The following TADA3 variants were observed in gnomAD, a reference collection of about 807,000 sequenced individuals.
The protein encoded by TADA3 is transcriptional adapter 3.
TADA3 carries 25 observed loss-of-function variants against 43.2 expected under a neutral mutation model. The observed-to-expected ratio is 0.58, with a 90% CI of 0.42 to 0.81. TADA3 has a LOEUF of 0.81. Among genes scored for constraint, TADA3 ranks in the 30% least tolerant of loss-of-function variants. The pLI, the probability that TADA3 is intolerant of heterozygous loss-of-function variation, is 0.00. For missense variants in TADA3, 441 were observed against 567.8 expected, an observed-to-expected ratio of 0.78 and a Z score of 2.27; for synonymous variants, 235 against 225.5, an observed-to-expected ratio of 1.04 and a Z score of -0.38.
intron 8 of TADA3, chr3:9,783,179 G>A (rs1455284986): frequency 2.0e-5 from 3 of 152,154 alleles, no homozygotes; most frequent in African/African-American, 7.2e-5. Context: ...GATTTTCTGT[G>A]TGTATCAAAT....
Position 9,791,367 on chromosome 3 carries a change from C to T in TADA3, c.100G>A (p.Glu34Lys). The T allele has an allele frequency of 6.2e-7, 1 of 1,614,252 alleles. No homozygotes were observed. ...TCCTCGATGCCGATGCCATCATCCTCAGAGCGTGCCAGCACTGCCGTGTAG... is the reference window on the plus strand; with the variant it reads ...TCCTCGATGCCGATGCCATCATCCTTAGAGCGTGCCAGCACTGCCGTGTAG... ...PRYTAVLARS[E>K]DDGIGIEELD... The change falls in exon 2 of 9, where the codon GAG becomes AAG. Residue 34 changes from glutamate to lysine, a missense_variant. Coordinates refer to ENST00000301964, the MANE Select transcript of TADA3 (RefSeq NM_006354.5).
chr3:9,784,195 G>A lies in TADA3; in HGVS notation c.939C>T (p.Ser313=), dbSNP rs1206240815. ...GCTCCTCCTTGATGCGGCTCTCCAG[G>A]GACTTAGTATGCGGCACACTGCAGC... ...NKPFSVPHTK[S]LESRIKEELI... is the part of the protein sequence containing the mutation. Residue 313 remains serine, a synonymous_variant, in exon 8 of 9, where the codon TCC becomes TCT. Coordinates refer to ENST00000301964, the MANE Select transcript of TADA3 (RefSeq NM_006354.5). The A allele has an allele frequency of 2.5e-6, 4 of 1,613,546 alleles. No individual in the cohort carries two copies. The South Asian group carries it at 3.3e-5, about 13-fold the overall frequency.
chr3:9,781,375 C>T (rs1407640840), intron 8 of TADA3: 3 of 395,808 alleles, frequency 7.6e-6, no homozygotes, highest in Non-Finnish European at 1.6e-5. Flanking sequence ...AACAACCCTG[C>T]AAAATATGTA....
chr3:9,792,023 G>A (rs558923664), intron 1 of TADA3, among the ~76,000 whole-genome samples, 193 bp downstream of exon 1: 3 of 152,250 alleles, frequency 2.0e-5, no homozygotes, highest in South Asian at 2.1e-4. Flanking sequence ...GGTTTAGAAC[G>A]TGGGCTGGTA....
chr3:9,788,840 T>TC lies in TADA3; in HGVS notation c.564+668_564+669insG, dbSNP rs1478661321. ...CAGGCGTGAGGTGACTTTTATATCT[T>TC]TTTTTTTTTTTTGGAGACGGAGTCT... On this transcript the variant is annotated intron_variant, in intron 4 of 8. Transcript: ENST00000301964. 1.2e-4 allele frequency among the ~76,000 whole-genome samples: 17 copies of TC among 144,216 alleles called. No individual in the cohort carries two copies. The East Asian group carries it at 3.2e-3, about 27-fold the overall frequency. The allele number at this position is 144,216 out of a possible 152,430, so 94.6% of individuals were successfully genotyped here. A position where few individuals can be genotyped will look rare whatever the true frequency, so the allele number is the denominator to read the frequency against.
At chr3:9,790,282 C>T (rs2078701197) in intron 2 of TADA3, among the ~76,000 whole-genome samples, 1 of 152,258 alleles carries the variant, frequency 6.6e-6, no homozygotes, top group Non-Finnish European at 1.5e-5. Context: ...GATGTCACCA[C>T]TACTGAGATG....
At chr3:9,786,950 A>G (rs1178169102) in intron 6 of TADA3, 56 bp downstream of exon 6, 1 of 1,475,874 alleles carries the variant, frequency 6.8e-7, no homozygotes, top group Non-Finnish European at 9.4e-7. Context: ...AAAAATAAGC[A>G]TAACACATTA....
In TADA3 at chr3:9,791,482, G is replaced by T; in HGVS notation, c.-16C>A. The T allele has an allele frequency of 6.3e-7, 1 of 1,588,034 alleles. No individual in the cohort carries two copies. Among genetic ancestry groups the T allele is most frequent in the Non-Finnish European group, 8.6e-7 (1 of 1,161,556 alleles). On this transcript the variant is annotated 5_prime_UTR_variant, in exon 2 of 9. Transcript: ENST00000301964. ...ACTCACTCATGGCCCAGGATATGGG[G>T]ATCCTGTGGAGCTGGAGAGGACAGG...
chr3:9,787,662 C>T (rs935858427), intron 4 of TADA3: 25 of 1,377,792 alleles, frequency 1.8e-5, no homozygotes, highest in Admixed American at 8.7e-5. Context: ...CTTCAGGTCA[C>T]GGGTGACAGG....
chr3:9,790,863 C>T (rs763942816), intron 2 of TADA3, among the ~76,000 whole-genome samples: 4 of 152,200 alleles, frequency 2.6e-5, no homozygotes, highest in Non-Finnish European at 5.9e-5. Context: ...TGCCAGGATT[C>T]AAATCCAGGT....
At chr3:9,790,786 C>T (rs1212612369) in intron 2 of TADA3, among the ~76,000 whole-genome samples, 4 of 152,194 alleles carry the variant, frequency 2.6e-5, no homozygotes, top group Non-Finnish European at 5.9e-5. Flanking sequence ...GAAACTGACA[C>T]TCAGAGATAT....
At position 9,785,340 on chromosome 3, in the gene TADA3, G is replaced by C; in HGVS notation, c.896C>G (p.Pro299Arg). The C allele has an allele frequency of 6.2e-7, 1 of 1,614,006 alleles. No individual in the cohort carries two copies. Among genetic ancestry groups the C allele is most frequent in the East Asian group, 2.2e-5 (1 of 44,888 alleles). Reference sequence around the variant, plus strand: ...CCTGAAGGGCTTGTTCTGATTGCGAGGGGAGGTGCTTGCCCCGTCAGCCCC... The same window carrying C: ...CCTGAAGGGCTTGTTCTGATTGCGACGGGAGGTGCTTGCCCCGTCAGCCCC... ...ESGADGASTS[P>R]RNQNKPFSVP... Residue 299 changes from proline to arginine, a missense_variant, in exon 7 of 9, where the codon CCT becomes CGT. Pro to Arg is a moderately radical substitution (Grantham distance 103, BLOSUM62 -2). Coordinates refer to ENST00000301964, the MANE Select transcript of TADA3 (RefSeq NM_006354.5).
upstream of TADA3, chr3:9,792,903 G>T: frequency 7.1e-7 from 1 of 1,398,724 alleles, no homozygotes; most frequent in Non-Finnish European, 9.2e-7. Context: ...AGCTTAAATA[G>T]TGACTCGAGT....
chr3:9,785,316 C>G lies in TADA3; in HGVS notation c.920G>C (p.Ser307Thr), dbSNP rs770252132. 4 of 1,612,584 alleles carry G rather than the reference C, an allele frequency of 2.5e-6. No individual in the cohort carries two copies. The highest frequency in any genetic ancestry group is 3.3e-5 in the Admixed American group (2 of 59,964). The change falls in exon 7 of 9, where the codon AGT (serine) becomes ACT (threonine). Residue 307 changes from serine (S) to threonine (T), a missense_variant and splice_region_variant. Transcript: ENST00000301964. ...TSPRNQNKPF[S>T]VPHTKSLESR... ...GGGTTGTGGATAGGACACCACTCACCTGAAGGGCTTGTTCTGATTGCGAGG... is the reference window on the plus strand; with the variant it reads ...GGGTTGTGGATAGGACACCACTCACGTGAAGGGCTTGTTCTGATTGCGAGG...
chr3:9,786,960 A>G, intron 6 of TADA3, 46 bp downstream of exon 6: 2 of 1,534,234 alleles, frequency 1.3e-6, no homozygotes, highest in South Asian at 2.3e-5. Flanking sequence ...ATAACACATT[A>G]AAACACAAAG....
rs779044239 is a variant in TADA3, at chr3:9,780,429, G to A, written c.1227C>T (p.Thr409=). The change falls in exon 9 of 9, where the codon ACC becomes ACT. Residue 409 remains threonine, a synonymous_variant. Transcript: ENST00000301964. ...MAARQKKRTP[T]KKEKDQAWKT... is the part of the protein sequence containing the mutation. ...TCCAGGCCTGGTCCTTTTCTTTCTT[G>A]GTGGGAGTCCGCTTCTTCTGCCGGG... 51 of 1,613,180 alleles carry A rather than the reference G, an allele frequency of 3.2e-5. No homozygotes were observed. Among genetic ancestry groups the A allele is most frequent in the Non-Finnish European group, 4.2e-5 (50 of 1,180,042 alleles).
In TADA3 at chr3:9,780,694, A is replaced by T. The variant is rs75190597; in HGVS notation, c.1107-145T>A. On this transcript the variant is annotated intron_variant, in intron 8 of 8. Coordinates refer to ENST00000301964, the MANE Select transcript of TADA3 (RefSeq NM_006354.5). ...AGTCGTGACCAAAAAGCAGTTACTG[A>T]CCTACACTTACATGGCACTATCTTA... 4,349 of 708,252 alleles carry T rather than the reference A, an allele frequency of 6.1e-3. 120 individuals are homozygous for T. In the African/African-American group the frequency reaches 0.068, roughly 11 times the overall value. 43.9% of individuals were successfully genotyped at this position (708,252 alleles called of 1,614,324 possible).
In TADA3 at chr3:9,789,521, A is replaced by C. The variant is rs761183312; in HGVS notation, c.552T>G (p.Ala184=). The change falls in exon 4 of 9, where the codon GCT becomes GCG. Residue 184 remains alanine (A), a synonymous_variant. Transcript: ENST00000301964. ...CCAGAGTTTCTACCTTGTAATGCTCAGCCTCATCTTCTGGGGGCTTCAGTA... is the reference window on the plus strand; with the variant it reads ...CCAGAGTTTCTACCTTGTAATGCTCCGCCTCATCTTCTGGGGGCTTCAGTA... ...EELLKPPEDE[A]EHYKIPPLGK... 1.9e-6 allele frequency: 3 copies of C among 1,614,016 alleles called. No individual in the cohort carries two copies. The highest frequency in any genetic ancestry group is 1.3e-5 in the African/African-American group (1 of 74,940).
chr3:9,781,411 G>GA, intron 8 of TADA3: 1 of 430,282 alleles, frequency 2.3e-6, no homozygotes, highest in Non-Finnish European at 4.8e-6. Context: ...TACCCGTGAG[G>GA]AAAATGAGGC....
Sources: allele counts gnomAD v4.1 joint callset (sites outside exome capture counted in the v4.1 genomes callset), GRCh38; gene constraint gnomAD v4.1.1; transcripts MANE v1.5; gene names NCBI Gene and HGNC (gene_info 2026-07-23, HGNC 2026-07-21).